ANKRD30B: variants seen among roughly 807,000 people sequenced by gnomAD.
ANKRD30B encodes ankyrin repeat domain-containing protein 30B.
ANKRD30B carries 144 observed loss-of-function variants against 202.2 expected under a neutral mutation model. The observed-to-expected ratio is 0.71, with a 90% CI of 0.62 to 0.82. The LOEUF is 0.82. Ranked by LOEUF, ANKRD30B falls within the 40% of genes least tolerant of loss-of-function variation. The pLI is 0.00. For missense variants in ANKRD30B, 1,487 were observed against 1,669.1 expected (o/e 0.89, Z 1.90); for synonymous variants, 508 against 561.3 (o/e 0.91, Z 1.34).
At chr18:14,879,736 AGGGTTAGGGGTTAG>A in the ANKRD30B span, among the ~76,000 whole-genome samples, 2 of 134,558 alleles carry the variant, frequency 1.5e-5, no homozygotes, top group Non-Finnish European at 3.2e-5. Flanking sequence ...TTAAGGGTCC[AGGGTTAGGGGTTAG>A]GGGTTAGGGT....
intron 30 of ANKRD30B, among the ~76,000 whole-genome samples, chr18:14,821,681 C>A (rs1970429954): frequency 6.6e-6 from 1 of 152,156 alleles, no homozygotes; most frequent in Non-Finnish European, 1.5e-5. Context: ...TGCTTTGGAA[C>A]TCCTGGACTC....
chr18:14,796,499 G>A, intron 18 of ANKRD30B, 84 bp downstream of exon 18: 2 of 1,423,742 alleles, frequency 1.4e-6, no homozygotes, highest in Non-Finnish European at 1.9e-6. Flanking sequence ...TCCCAATGTT[G>A]TTTTCTTTTG....
chr18:14,756,688 G>T (rs1169581375), intron 4 of ANKRD30B, among the ~76,000 whole-genome samples: 2 of 152,204 alleles, frequency 1.3e-5, no homozygotes, highest in African/African-American at 4.8e-5. Context: ...GAGGCCAGGA[G>T]TTTGAGACCA....
chr18:14,914,044 G>A, the ANKRD30B span, among the ~76,000 whole-genome samples: 2 of 152,146 alleles, frequency 1.3e-5, no homozygotes, highest in Non-Finnish European at 2.9e-5. Flanking sequence ...CGGGAGTTGA[G>A]CCAGAAAACC....
chr18:14,896,446 TTTTTTA>T, the ANKRD30B span, among the ~76,000 whole-genome samples: 16 of 151,964 alleles, frequency 1.1e-4, no homozygotes, highest in Non-Finnish European at 2.4e-4. Context: ...GCTCAATTAT[TTTTTTA>T]AATCTAAAAA....
intron 1 of ANKRD30B, among the ~76,000 whole-genome samples, chr18:14,750,028 A>G (rs1401604996): frequency 6.6e-6 from 1 of 152,106 alleles, no homozygotes; most frequent in Non-Finnish European, 1.5e-5. Context: ...CTATTTACAC[A>G]GATACATTTT....
the ANKRD30B span, among the ~76,000 whole-genome samples, chr18:14,894,091 C>T: frequency 6.6e-6 from 1 of 152,176 alleles, no homozygotes; most frequent in African/African-American, 2.4e-5. Context: ...TTTAGGATGT[C>T]ACCCTTACAC....
chr18:14,916,540 A>G, the ANKRD30B span, among the ~76,000 whole-genome samples: 1 of 152,192 alleles, frequency 6.6e-6, no homozygotes, highest in Non-Finnish European at 1.5e-5. Context: ...CTAACCCTGT[A>G]TTCCCCACTA....
intron 32 of ANKRD30B, among the ~76,000 whole-genome samples, chr18:14,824,673 C>G (rs1970591268): frequency 6.6e-6 from 1 of 152,202 alleles, no homozygotes. Context: ...GTTTTCTGCA[C>G]AGATTCATTG....
At chr18:14,882,920 G>T in the ANKRD30B span, among the ~76,000 whole-genome samples, 1 of 152,140 alleles carries the variant, frequency 6.6e-6, no homozygotes, top group South Asian at 2.1e-4. Context: ...TATGAGAATA[G>T]CTACTGCTGC....
chr18:14,779,607 CAG>C (rs771994049), intron 10 of ANKRD30B, among the ~76,000 whole-genome samples: 81 of 152,066 alleles, frequency 5.3e-4, no homozygotes, highest in Non-Finnish European at 8.2e-4. Context: ...AAAATAAAAA[CAG>C]AGAGAATTGA....
intron 34 of ANKRD30B, among the ~76,000 whole-genome samples, chr18:14,836,399 C>T (rs1971173868): frequency 6.6e-6 from 1 of 152,076 alleles, no homozygotes; most frequent in Non-Finnish European, 1.5e-5. Flanking sequence ...TCCCCTACAT[C>T]CTGCACTTCA....
chr18:14,809,835 C>A, intron 26 of ANKRD30B, 151 bp from the exon 27 acceptor site: 1 of 764,602 alleles, frequency 1.3e-6, no homozygotes, highest in Middle Eastern at 4.0e-4. Flanking sequence ...GACATGTTAA[C>A]AAATACAATA....
the ANKRD30B span, among the ~76,000 whole-genome samples, chr18:14,924,671 C>T: frequency 1.3e-5 from 2 of 152,330 alleles, no homozygotes; most frequent in African/African-American, 4.8e-5. Flanking sequence ...AGACAGGAGA[C>T]TTTTAGGTGA....
the ANKRD30B span, among the ~76,000 whole-genome samples, chr18:14,892,614 C>T: frequency 2.0e-5 from 3 of 152,004 alleles, no homozygotes; most frequent in South Asian, 6.2e-4. Flanking sequence ...GTGGTGGGTG[C>T]CTGTAATCCC....
At chr18:14,905,730 T>A in the ANKRD30B span, 1 of 152,180 alleles carries the variant, frequency 6.6e-6, no homozygotes, top group Non-Finnish European at 1.5e-5. Flanking sequence ...TTTCAACATA[T>A]GTCAGATAAA....
At chr18:14,799,810 C>T (rs147913745) in intron 22 of ANKRD30B, among the ~76,000 whole-genome samples, 178 of 152,100 alleles carry the variant, frequency 1.2e-3, no homozygotes, top group African/African-American at 4.0e-3. Flanking sequence ...TTGCTAGATA[C>T]ACTGTTTCAG....
the ANKRD30B span, among the ~76,000 whole-genome samples, chr18:14,866,268 C>T: frequency 1.3e-5 from 2 of 152,196 alleles, no homozygotes; most frequent in African/African-American, 4.8e-5. Flanking sequence ...GCCTGTAACA[C>T]TGTGGCTCGT....
At chr18:14,823,554 G>A (rs1218158250) in intron 32 of ANKRD30B, among the ~76,000 whole-genome samples, 7 of 151,700 alleles carry the variant, frequency 4.6e-5, no homozygotes, top group Non-Finnish European at 1.5e-5. Flanking sequence ...TGCTAGACAC[G>A]GTGTTTTAGA....
Sources: allele counts gnomAD v4.1 joint callset (sites outside exome capture counted in the v4.1 genomes callset), GRCh38; gene constraint gnomAD v4.1.1; transcripts MANE v1.5; gene names NCBI Gene and HGNC (gene_info 2026-07-23, HGNC 2026-07-21).